Variants in GALNT13 observed in about 807,000 individuals in gnomAD.
GALNT13 encodes UDP-GalNAc:polypeptide N-acetylgalactosaminyltransferase 13.
GALNT13 carries 28 observed loss-of-function variants against 64.2 expected under a neutral mutation model. The ratio of observed to expected loss-of-function variants is 0.44; its 90% CI spans 0.32 to 0.60. The LOEUF (loss-of-function observed/expected upper bound fraction) is 0.60, where lower values mean the gene tolerates loss of function less well. Ranked by LOEUF, GALNT13 falls within the 20% of genes least tolerant of loss-of-function variation. GALNT13 has a pLI of 0.05. For synonymous variants in GALNT13, 214 were observed against 224.6 expected, an observed-to-expected ratio of 0.95 and a Z score of 0.42; for missense variants, 577 against 669.8, an observed-to-expected ratio of 0.86 and a Z score of 1.53.
At chr2:154,023,087 T>G (rs1697651650) in intron 3 of GALNT13, among the ~76,000 whole-genome samples, 2 of 152,178 alleles carry the variant, frequency 1.3e-5, no homozygotes, top group African/African-American at 2.4e-5. Flanking sequence ...TCTTTTACAT[T>G]TGCTGAGGAG....
chr2:154,071,161 C>T (rs185140747), intron 3 of GALNT13, among the ~76,000 whole-genome samples: 247 of 152,232 alleles, frequency 1.6e-3, no homozygotes, highest in African/African-American at 5.4e-3. Context: ...TGATTCATGA[C>T]TTATTTCTTG....
At chr2:153,145,842 G>T in the GALNT13 span, among the ~76,000 whole-genome samples, 2 of 151,774 alleles carry the variant, frequency 1.3e-5, no homozygotes, top group East Asian at 3.9e-4. Context: ...GCATGACCTC[G>T]AACTATTAAA....
At chr2:153,324,129 A>G in the GALNT13 span, among the ~76,000 whole-genome samples, 2 of 152,170 alleles carry the variant, frequency 1.3e-5, no homozygotes, top group African/African-American at 4.8e-5. Context: ...TGAGCATGGA[A>G]TAATGTTTTT....
the GALNT13 span, among the ~76,000 whole-genome samples, chr2:153,077,766 T>C: frequency 1.3e-5 from 2 of 152,232 alleles, no homozygotes; most frequent in Admixed American, 6.5e-5. Context: ...AATTCATGAA[T>C]TGGGGAGCAA....
At chr2:153,229,914 T>C in the GALNT13 span, among the ~76,000 whole-genome samples, 2 of 152,228 alleles carry the variant, frequency 1.3e-5, no homozygotes, top group Admixed American at 1.3e-4. Flanking sequence ...TGTTAATGGC[T>C]TAATGGAGTT....
intron 9 of GALNT13, among the ~76,000 whole-genome samples, chr2:154,376,754 G>A (rs1212964037): frequency 6.6e-6 from 1 of 152,008 alleles, no homozygotes; most frequent in South Asian, 2.1e-4. Context: ...TTAATATGTA[G>A]GACAGTATTA....
the GALNT13 span, chr2:153,478,311 C>T: frequency 3.7e-6 from 6 of 1,614,022 alleles, no homozygotes; most frequent in Non-Finnish European, 5.1e-6. Flanking sequence ...TGATCATGCC[C>T]TCGGACTTGA....
intron 9 of GALNT13, among the ~76,000 whole-genome samples, chr2:154,361,722 A>C (rs1030896844): frequency 4.6e-5 from 7 of 152,136 alleles, no homozygotes; most frequent in African/African-American, 1.4e-4. Flanking sequence ...AAAGAATCAT[A>C]TCCACTTAAT....
chr2:154,166,626 G>T (rs1485295025), intron 4 of GALNT13, among the ~76,000 whole-genome samples: 3 of 151,970 alleles, frequency 2.0e-5, no homozygotes, highest in African/African-American at 4.8e-5. Flanking sequence ...CCCATTACTG[G>T]GTATATACCC....
At chr2:154,301,368 A>G (rs773719881) in intron 8 of GALNT13, 41 bp from the exon 9 acceptor site, 5 of 1,527,232 alleles carry the variant, frequency 3.3e-6, no homozygotes, top group Non-Finnish European at 4.5e-6. Context: ...CATCTCATAC[A>G]ATATTATTGC....
chr2:153,426,794 A>G, the GALNT13 span, among the ~76,000 whole-genome samples: 1 of 151,982 alleles, frequency 6.6e-6, no homozygotes, highest in Admixed American at 6.6e-5. Context: ...ATTCAGAGCA[A>G]TTAGTGCTCT....
chr2:153,901,703 C>A (rs1688246322), intron 2 of GALNT13, among the ~76,000 whole-genome samples: 1 of 152,002 alleles, frequency 6.6e-6, no homozygotes, highest in African/African-American at 2.4e-5. Flanking sequence ...GACTGAATTT[C>A]AAATTTAAAA....
rs560723124 is a variant in GALNT13 at position 154,366,794 on chromosome 2, G to A, written c.1157-29197G>A. 1.1e-4 allele frequency among the ~76,000 whole-genome samples: 17 copies of A among 152,170 alleles called. No individual in the cohort carries two copies. In the South Asian group the frequency reaches 2.5e-3, roughly 22 times the overall value. ...GTGATCACCAGAGAAGAGGGAAGGC[G>A]GAAAGTATAGTTACACAAAAAAGCA... On this transcript the variant is annotated intron_variant, in intron 9 of 12. Transcript: ENST00000392825.
chr2:154,324,498 A>G (rs1392335844), intron 9 of GALNT13, among the ~76,000 whole-genome samples: 1 of 152,088 alleles, frequency 6.6e-6, no homozygotes, highest in African/African-American at 2.4e-5. Flanking sequence ...ATTAGTTGGC[A>G]AATGCTACCT....
At chr2:153,301,630 A>G in the GALNT13 span, among the ~76,000 whole-genome samples, 1 of 152,092 alleles carries the variant, frequency 6.6e-6, no homozygotes, top group East Asian at 1.9e-4. Context: ...TGAACAGTAG[A>G]TCTCTTGAAC....
At chr2:153,404,622 A>T in the GALNT13 span, among the ~76,000 whole-genome samples, 1 of 152,164 alleles carries the variant, frequency 6.6e-6, no homozygotes, top group Non-Finnish European at 1.5e-5. Context: ...CTGATAATAA[A>T]TTTGGAATCC....
the GALNT13 span, among the ~76,000 whole-genome samples, chr2:153,215,467 G>T: frequency 6.6e-6 from 1 of 152,094 alleles, no homozygotes; most frequent in African/African-American, 2.4e-5. Context: ...AATCGAAGGT[G>T]AGAGGATTTA....
At chr2:153,792,499 TA>T in the GALNT13 span, among the ~76,000 whole-genome samples, 12 of 152,310 alleles carry the variant, frequency 7.9e-5, no homozygotes, top group East Asian at 2.1e-3. Flanking sequence ...AACCACTCCC[TA>T]AAGAAACTAA....
At chr2:153,640,165 T>C in the GALNT13 span, among the ~76,000 whole-genome samples, 3 of 152,034 alleles carry the variant, frequency 2.0e-5, no homozygotes, top group Non-Finnish European at 4.4e-5. Flanking sequence ...CTCTTGTCTC[T>C]ATCTCTAGAA....
Sources: gnomAD v4.1 joint callset for allele counts (sites outside exome capture counted in the v4.1 genomes callset) on GRCh38, gnomAD v4.1.1 for gene constraint, MANE v1.5 for transcripts, NCBI Gene and HGNC (gene_info 2026-07-23, HGNC 2026-07-21) for gene names.